Variants in BIK observed in about 807,000 individuals in gnomAD.
BIK encodes BCL2 interacting killer.
In BIK, 14 loss-of-function variants were observed where a neutral mutation model predicts 12.1. The ratio of observed to expected loss-of-function variants is 1.16; its 90% CI spans 0.77 to 1.81. BIK has a LOEUF of 1.81. Among genes scored for constraint, BIK ranks in the 40% most tolerant of loss-of-function variants. The pLI, the probability that BIK is intolerant of heterozygous loss-of-function variation, is 0.00. For synonymous variants in BIK, 86 were observed against 92.3 expected (o/e 0.93, Z 0.39); for missense variants, 215 against 207.9 (o/e 1.03, Z -0.21).
rs772374629 is a variant in BIK at position 43,129,674 on chromosome 22, G to A, written c.*369G>A. 8.2e-5 allele frequency: 21 copies of A among 255,250 alleles called. No homozygotes were observed. The highest frequency in any genetic ancestry group is 5.0e-5 in the Admixed American group (1 of 19,880). 15.8% of individuals were successfully genotyped at this position (255,250 alleles called of 1,614,324 possible). Reference sequence around the variant, plus strand: ...CAAAGAATCTACTGGAATAGATTCCGAGGAGCAGGAGTGCTCAATAAAATG... The same window carrying A: ...CAAAGAATCTACTGGAATAGATTCCAAGGAGCAGGAGTGCTCAATAAAATG... On this transcript the variant is annotated 3_prime_UTR_variant, in exon 5 of 5. Transcript: ENST00000216115.
At position 43,129,213 on chromosome 22, in the gene BIK, G is replaced by A. The variant is rs1178343321; in HGVS notation, c.391G>A (p.Val131Met). The change falls in exon 5 of 5, where the codon GTG (valine) becomes ATG (methionine). Residue 131 changes from valine (V) to methionine (M), a missense_variant and splice_region_variant. Coordinates refer to ENST00000216115, the MANE Select transcript of BIK (RefSeq NM_001197.5). ...TGACTCCTCTGCTTTGCTCCCACAGGTGTCCTGCGAACAGGTGCTGCTGGC... is the reference window on the plus strand; with the variant it reads ...TGACTCCTCTGCTTTGCTCCCACAGATGTCCTGCGAACAGGTGCTGCTGGC... Reference protein sequence around the residue: ...FWRSPNPGSWVSCEQVLLALL... With the variant: ...FWRSPNPGSWMSCEQVLLALL... 6.2e-7 allele frequency: 1 copy of A among 1,604,466 alleles called. No homozygotes were observed. The highest frequency in any genetic ancestry group is 1.7e-5 in the Admixed American group (1 of 60,010).
chr22:43,117,493 C>A (rs545629129), intron 1 of BIK, among the ~76,000 whole-genome samples: 1 of 151,540 alleles, frequency 6.6e-6, no homozygotes, highest in African/African-American at 2.4e-5. Flanking sequence ...CTCAGCCTCC[C>A]GAGTAGCTGG....
intron 1 of BIK, among the ~76,000 whole-genome samples, chr22:43,115,028 G>A (rs1930083889): frequency 6.6e-6 from 1 of 152,212 alleles, no homozygotes; most frequent in South Asian, 2.1e-4. Flanking sequence ...CAGGCTGTCT[G>A]CATCCTCTCA....
chr22:43,115,279 G>A (rs571491865), intron 1 of BIK, among the ~76,000 whole-genome samples: 2 of 152,224 alleles, frequency 1.3e-5, no homozygotes, highest in Non-Finnish European at 1.5e-5. Flanking sequence ...TGCCTGCCTG[G>A]GGGATGTTGG....
rs541459762 is a variant in BIK at position 43,126,185 on chromosome 22, C to T, written c.162-1512C>T. Reference sequence around the variant, plus strand: ...GAGTGCAGGCGTGCACCAGCATGCCCGGCTTTTTTTTTTTTTTTGAGACGG... The same window carrying T: ...GAGTGCAGGCGTGCACCAGCATGCCTGGCTTTTTTTTTTTTTTTGAGACGG... On this transcript the variant is annotated intron_variant, in intron 2 of 4. Transcript: ENST00000216115. Among the ~76,000 whole-genome samples the T allele has an allele frequency of 3.8e-3, 560 of 147,194 alleles. 5 individuals are homozygous for T. The highest frequency in any genetic ancestry group is 5.8e-3 in the Non-Finnish European group (388 of 67,384).
intron 1 of BIK, among the ~76,000 whole-genome samples, chr22:43,113,308 AGTTT>A (rs746689362): frequency 8.5e-5 from 13 of 152,126 alleles, no homozygotes; most frequent in East Asian, 3.9e-4. Flanking sequence ...AGTTATTGTA[AGTTT>A]GTTTGTTTTT....
chr22:43,127,193 G>A (rs529288113), intron 2 of BIK, among the ~76,000 whole-genome samples: 6 of 152,070 alleles, frequency 3.9e-5, no homozygotes, highest in Non-Finnish European at 7.4e-5. Flanking sequence ...GGAGAGGGGT[G>A]GTGCCAGCAG....
intron 1 of BIK, among the ~76,000 whole-genome samples, chr22:43,118,996 G>A (rs575078808): frequency 6.6e-6 from 1 of 151,952 alleles, no homozygotes; most frequent in African/African-American, 2.4e-5. Flanking sequence ...AGCCATAGGC[G>A]AGCTGTCGAG....
chr22:43,112,513 C>T (rs1930030985), intron 1 of BIK, among the ~76,000 whole-genome samples: 1 of 151,650 alleles, frequency 6.6e-6, no homozygotes, highest in Non-Finnish European at 1.5e-5. Flanking sequence ...TGTTTAAATA[C>T]TCCTGCCTCA....
rs766818947 is a variant in BIK at position 43,128,586 on chromosome 22, C to T, written c.351C>T (p.Asn117=). 7 of 1,613,860 alleles carry T rather than the reference C, an allele frequency of 4.3e-6. No individual in the cohort carries two copies. Among genetic ancestry groups the T allele is most frequent in the Non-Finnish European group, 5.9e-6 (7 of 1,179,826 alleles). ...ACGGTTTCACCACACTTAAGGAGAA[C>T]ATAATGAGGTTCTGGAGATCCCCGA... ...FMDGFTTLKE[N]IMRFWRSPNP... is the part of the protein sequence containing the mutation. The change falls in exon 4 of 5, where the codon AAC becomes AAT. Residue 117 remains asparagine (N), a synonymous_variant. Coordinates refer to ENST00000216115, the MANE Select transcript of BIK (RefSeq NM_001197.5).
In BIK at chr22:43,124,045, C is replaced by T; in HGVS notation, c.23C>T (p.Ser8Phe). 2 of 1,614,170 alleles carry T rather than the reference C, an allele frequency of 1.2e-6. No homozygotes were observed. The highest frequency in any genetic ancestry group is 1.1e-5 in the South Asian group (1 of 91,080). ...GAAATGTCTGAAGTAAGACCCCTCT[C>T]CAGAGACATCTTGATGGAGACCCTC... MSEVRPL[S>F]RDILMETLLY... The change falls in exon 2 of 5, where the codon TCC becomes TTC. Residue 8 changes from serine to phenylalanine, a missense_variant. Coordinates refer to ENST00000216115, the MANE Select transcript of BIK (RefSeq NM_001197.5).
chr22:43,117,700 C>T (rs1353506544), intron 1 of BIK, among the ~76,000 whole-genome samples: 2 of 136,350 alleles, frequency 1.5e-5, no homozygotes, highest in East Asian at 2.2e-4. Flanking sequence ...TGGAGTTTTT[C>T]GCTCTTGTCG....
chr22:43,119,919 T>C (rs1355072326), intron 1 of BIK, among the ~76,000 whole-genome samples: 1 of 151,950 alleles, frequency 6.6e-6, no homozygotes, highest in Admixed American at 6.6e-5. Flanking sequence ...GTAGTGAGCA[T>C]GATCAGGCCA....
chr22:43,117,593 A>G (rs926397601), intron 1 of BIK, among the ~76,000 whole-genome samples: 3 of 151,456 alleles, frequency 2.0e-5, no homozygotes, highest in Admixed American at 2.0e-4. Context: ...GATGCTCTCC[A>G]TCTCCTGACC....
At chr22:43,112,398 C>T (rs1045101630) in intron 1 of BIK, among the ~76,000 whole-genome samples, 1 of 151,748 alleles carries the variant, frequency 6.6e-6, no homozygotes, top group Admixed American at 6.6e-5. Flanking sequence ...GGGGTTTCAC[C>T]ATGTTGGCCA....
chr22:43,124,782 G>C (rs952046598), intron 2 of BIK, among the ~76,000 whole-genome samples: 4 of 151,632 alleles, frequency 2.6e-5, no homozygotes, highest in African/African-American at 9.7e-5. Context: ...GTCCCAGCTA[G>C]TCGGGAGGCT....
Position 43,129,353 on chromosome 22 carries a change from C to T in BIK, c.*48C>T, listed in dbSNP as rs1227416084. Reference sequence around the variant, plus strand: ...GCTGGCCCCACCCCCATGACCACTGCCCTGGAGGTGGCGGCCTGCTGCTGT... The same window carrying T: ...GCTGGCCCCACCCCCATGACCACTGTCCTGGAGGTGGCGGCCTGCTGCTGT... On this transcript the variant is annotated 3_prime_UTR_variant, in exon 5 of 5. Transcript: ENST00000216115. 1 of 1,561,580 alleles carries T rather than the reference C, an allele frequency of 6.4e-7. No individual in the cohort carries two copies. The highest frequency in any genetic ancestry group is 1.1e-5 in the South Asian group (1 of 87,144).
intron 1 of BIK, among the ~76,000 whole-genome samples, chr22:43,117,064 G>A (rs1310874298): frequency 6.6e-6 from 1 of 152,178 alleles, no homozygotes; most frequent in Non-Finnish European, 1.5e-5. Flanking sequence ...TCTGAAAGCC[G>A]CAGGTGGGGG....
intron 1 of BIK, among the ~76,000 whole-genome samples, chr22:43,119,484 C>T (rs1255276983): frequency 2.6e-5 from 4 of 152,154 alleles, no homozygotes; most frequent in Non-Finnish European, 5.9e-5. Context: ...GCGGTTTACT[C>T]TGTGCCGGAT....
Sources: gnomAD v4.1 joint callset for allele counts (sites outside exome capture counted in the v4.1 genomes callset) on GRCh38, gnomAD v4.1.1 for gene constraint, MANE v1.5 for transcripts, NCBI Gene and HGNC (gene_info 2026-07-23, HGNC 2026-07-21) for gene names.